Variants in DNAH6 observed in about 807,000 individuals in gnomAD.
DNAH6 encodes the protein axonemal beta dynein heavy chain 6.
Under a neutral mutation model 491.4 loss-of-function variants are expected in DNAH6, and 340 were observed. That is an observed-to-expected ratio of 0.69 (90% confidence interval 0.63 to 0.76). The LOEUF (loss-of-function observed/expected upper bound fraction) is 0.76, where lower values mean the gene tolerates loss of function less well. Ranked by LOEUF, DNAH6 falls within the 30% of genes least tolerant of loss-of-function variation. DNAH6 has a pLI of 0.00. For missense variants in DNAH6, 4,443 were observed against 4,972.2 expected (o/e 0.89, Z 3.20); for synonymous variants, 1,603 against 1,686.1 (o/e 0.95, Z 1.21).
At chr2:84,684,031 G>A (rs1042778332) in intron 42 of DNAH6, among the ~76,000 whole-genome samples, 3 of 152,104 alleles carry the variant, frequency 2.0e-5, no homozygotes, top group African/African-American at 7.2e-5. Flanking sequence ...CCCAACTCCC[G>A]ATCTGAAGGC....
intron 21 of DNAH6, among the ~76,000 whole-genome samples, chr2:84,609,329 T>TG (rs1686087562): frequency 6.6e-6 from 1 of 152,194 alleles, no homozygotes; most frequent in Admixed American, 6.5e-5. Flanking sequence ...TGACCTATAT[T>TG]GGCTTTTGAC....
At chr2:84,806,418 GACT>G (rs1158095989) in intron 71 of DNAH6, among the ~76,000 whole-genome samples, 1 of 152,162 alleles carries the variant, frequency 6.6e-6, no homozygotes, top group Non-Finnish European at 1.5e-5. Flanking sequence ...AGGAGATCAA[GACT>G]ATCCTGGCTA....
chr2:84,654,328 T>G (rs1414109590), intron 34 of DNAH6, among the ~76,000 whole-genome samples: 2 of 152,154 alleles, frequency 1.3e-5, no homozygotes, highest in Admixed American at 1.3e-4. Flanking sequence ...CAAATACTGA[T>G]TGAATGTCTA....
At chr2:84,782,133 A>C (rs1380128045) in intron 65 of DNAH6, among the ~76,000 whole-genome samples, 5 of 152,216 alleles carry the variant, frequency 3.3e-5, no homozygotes, top group African/African-American at 1.2e-4. Context: ...GGGCGTGCTC[A>C]GCATTACTCA....
chr2:84,756,206 T>G (rs1218164348), intron 63 of DNAH6, among the ~76,000 whole-genome samples: 1 of 152,208 alleles, frequency 6.6e-6, no homozygotes, highest in Non-Finnish European at 1.5e-5. Flanking sequence ...TCTCAAGAAT[T>G]TTTAGGCCAC....
chr2:84,667,485 C>T (rs1460396751), intron 37 of DNAH6, among the ~76,000 whole-genome samples: 1 of 152,146 alleles, frequency 6.6e-6, no homozygotes, highest in Admixed American at 6.5e-5. Flanking sequence ...ATGCAGCCAA[C>T]AGACACATGA....
chr2:84,700,832 T>C (rs1022628573), intron 48 of DNAH6, among the ~76,000 whole-genome samples: 1 of 152,196 alleles, frequency 6.6e-6, no homozygotes, highest in African/African-American at 2.4e-5. Context: ...CAATCATTAA[T>C]TCATTCAGTC....
At chr2:84,518,329 A>G (rs1379254341) in intron 2 of DNAH6, among the ~76,000 whole-genome samples, 2 of 152,238 alleles carry the variant, frequency 1.3e-5, no homozygotes, top group African/African-American at 2.4e-5. Flanking sequence ...TTAACTATGT[A>G]TGCTATTAGG....
chr2:84,594,109 C>G, intron 17 of DNAH6, 24 bp downstream of exon 17: 1 of 1,244,390 alleles, frequency 8.0e-7, no homozygotes, highest in African/African-American at 1.5e-5. Context: ...GCCTTCAGTT[C>G]TCAAATTATT....
At chr2:84,717,691 A>G (rs1697676208) in intron 58 of DNAH6, among the ~76,000 whole-genome samples, 1 of 152,248 alleles carries the variant, frequency 6.6e-6, no homozygotes, top group African/African-American at 2.4e-5. Context: ...TTATGAGAGA[A>G]CAAGTGAAGG....
intron 14 of DNAH6, among the ~76,000 whole-genome samples, chr2:84,582,837 A>C (rs766341787): frequency 6.6e-6 from 1 of 152,246 alleles, no homozygotes; most frequent in Non-Finnish European, 1.5e-5. Flanking sequence ...GCCTGTCTGC[A>C]GTTATCTTCT....
At chr2:84,610,491 A>G (rs1438355551) in intron 21 of DNAH6, among the ~76,000 whole-genome samples, 1 of 152,066 alleles carries the variant, frequency 6.6e-6, no homozygotes, top group Non-Finnish European at 1.5e-5. Context: ...AAGAATGCTC[A>G]TTGTTGCTTG....
At chr2:84,774,642 T>G (rs899145073) in intron 64 of DNAH6, among the ~76,000 whole-genome samples, 1 of 152,150 alleles carries the variant, frequency 6.6e-6, no homozygotes, top group Non-Finnish European at 1.5e-5. Context: ...CTTTGGGAAG[T>G]ATGGTCATTT....
intron 18 of DNAH6, among the ~76,000 whole-genome samples, chr2:84,601,367 G>C (rs2104253867): frequency 6.6e-6 from 1 of 152,110 alleles, no homozygotes; most frequent in Admixed American, 6.5e-5. Flanking sequence ...CCTCAAGATA[G>C]TGGTGCTTGA....
chr2:84,663,002 C>T (rs188279385), intron 37 of DNAH6, among the ~76,000 whole-genome samples: 1 of 152,266 alleles, frequency 6.6e-6, no homozygotes, highest in East Asian at 1.9e-4. Context: ...CCAGCAAATT[C>T]CAACAGACCT....
intron 24 of DNAH6, among the ~76,000 whole-genome samples, chr2:84,620,140 T>C (rs11885666): frequency 0.14 from 20,982 of 152,104 alleles, 2,240 homozygotes; most frequent in African/African-American, 0.3. Context: ...AAATAGAGTG[T>C]ATAAAACTAG....
At position 84,812,341 on chromosome 2, in the gene DNAH6, A is replaced by G. The variant is rs201250087; in HGVS notation, c.11740A>G (p.Thr3914Ala). Residue 3914 changes from threonine (T) to alanine (A), a missense_variant and splice_region_variant, in exon 73 of 77, where the codon ACT becomes GCT. Thr to Ala is a moderately conservative substitution (Grantham distance 58). Around this residue, in one of 3 missense-constraint regions of DNAH6, gnomAD observed 1,463 missense variants for 1,656.6 expected, o/e 0.88. Coordinates refer to ENST00000389394, the MANE Select transcript of DNAH6 (RefSeq NM_001370.2). ...RFNNLLKLIH[T>A]SLETLNKAIA... ...ACCAACCCCTTTTTTGTTCTTTCAG[A>G]CTTCTCTGGAAACACTCAACAAAGC... The G allele has an allele frequency of 5.0e-5, 77 of 1,551,066 alleles. No individual in the cohort carries two copies. The highest frequency in any genetic ancestry group is 1.7e-4 in the Middle Eastern group (1 of 6,010).
intron 68 of DNAH6, among the ~76,000 whole-genome samples, chr2:84,789,221 T>A (rs1677509727): frequency 6.6e-6 from 1 of 152,204 alleles, no homozygotes; most frequent in Admixed American, 6.5e-5. Context: ...AAAAAATTAA[T>A]CTTGTTCATG....
At chr2:84,657,227 A>C (rs1691066708) in intron 35 of DNAH6, among the ~76,000 whole-genome samples, 2 of 152,112 alleles carry the variant, frequency 1.3e-5, no homozygotes, top group South Asian at 4.1e-4. Flanking sequence ...TGTCTTGATT[A>C]CTGCAGCTGT....
Sources: allele counts gnomAD v4.1 joint callset (sites outside exome capture counted in the v4.1 genomes callset), GRCh38; gene constraint gnomAD v4.1.1; regional missense constraint gnomAD v4.1.1; transcripts MANE v1.5; gene names NCBI Gene and HGNC (gene_info 2026-07-23, HGNC 2026-07-21).